The following STAU2 variants were observed in gnomAD, a reference collection of about 807,000 sequenced individuals.
STAU2 encodes staufen double-stranded RNA binding protein 2, also known as double-stranded RNA-binding protein Staufen homolog 2.
Under a neutral mutation model 65.9 loss-of-function variants are expected in STAU2, and 20 were observed. The ratio of observed to expected loss-of-function variants is 0.30; its 90% confidence interval spans 0.21 to 0.44. The LOEUF (loss-of-function observed/expected upper bound fraction) is 0.44. STAU2 is among the 20% of genes least tolerant of loss of function. The probability of loss-of-function intolerance (pLI) is 1.00; values close to 1 mark genes in which losing one functional copy is unlikely to be tolerated. For synonymous variants in STAU2, 232 were observed against 233.9 expected, an observed-to-expected ratio of 0.99 and a Z score of 0.07; for missense variants, 558 against 683.9, an observed-to-expected ratio of 0.82 and a Z score of 2.05.
At chr8:73,605,491 T>C (rs1401449174) in intron 9 of STAU2, among the ~76,000 whole-genome samples, 1 of 151,844 alleles carries the variant, frequency 6.6e-6, no homozygotes, top group Non-Finnish European at 1.5e-5. Context: ...GTATTTTTCA[T>C]AGAGACAGGG....
chr8:73,719,489 C>T (rs185824455), intron 3 of STAU2, among the ~76,000 whole-genome samples: 10 of 152,310 alleles, frequency 6.6e-5, no homozygotes, highest in African/African-American at 2.4e-4. Context: ...GGAAAGTTCA[C>T]TTCCACTTCT....
intron 13 of STAU2, among the ~76,000 whole-genome samples, chr8:73,484,486 G>A (rs1340881688): frequency 6.6e-6 from 1 of 152,092 alleles, no homozygotes; most frequent in Non-Finnish European, 1.5e-5. Flanking sequence ...TGGAAATCTT[G>A]CAGAGTAGAA....
At chr8:73,569,066 A>G (rs558040223) in intron 12 of STAU2, among the ~76,000 whole-genome samples, 9 of 152,070 alleles carry the variant, frequency 5.9e-5, no homozygotes, top group Non-Finnish European at 1.3e-4. Flanking sequence ...TAGACAAGGG[A>G]AGCTGTGACA....
chr8:73,590,068 GAAGA>G (rs1242538816), intron 11 of STAU2, among the ~76,000 whole-genome samples: 1 of 150,856 alleles, frequency 6.6e-6, no homozygotes, highest in Admixed American at 6.6e-5. Context: ...AGAGGAGATA[GAAGA>G]AAGAGGAGAA....
At chr8:73,629,691 G>A (rs1045767646) in intron 6 of STAU2, among the ~76,000 whole-genome samples, 5 of 152,120 alleles carry the variant, frequency 3.3e-5, no homozygotes, top group African/African-American at 4.8e-5. Context: ...ACTTTGGGGG[G>A]TTCATTACAA....
chr8:73,747,175 G>T (rs1337451386), upstream of STAU2: 2 of 524,082 alleles, frequency 3.8e-6, no homozygotes, highest in African/African-American at 2.0e-5. Context: ...GGCCATTCCC[G>T]GGGGGCTTGG....
intron 10 of STAU2, among the ~76,000 whole-genome samples, chr8:73,599,106 C>T (rs1811433850): frequency 6.6e-6 from 1 of 152,258 alleles, no homozygotes; most frequent in Admixed American, 6.5e-5. Context: ...AATCAAAATT[C>T]CATATATCTT....
intron 13 of STAU2, among the ~76,000 whole-genome samples, chr8:73,517,033 T>C (rs1460055720): frequency 1.3e-5 from 2 of 152,168 alleles, no homozygotes; most frequent in East Asian, 1.9e-4. Context: ...ACATCAAACA[T>C]AGAGGCATAC....
intron 12 of STAU2, among the ~76,000 whole-genome samples, chr8:73,553,758 TA>T (rs1807514299): frequency 6.6e-6 from 1 of 151,896 alleles, no homozygotes; most frequent in South Asian, 2.1e-4. Context: ...CAGTTTATGG[TA>T]TTTTTTAGCT....
At chr8:73,736,368 T>C (rs896266931) in intron 3 of STAU2, among the ~76,000 whole-genome samples, 1 of 152,204 alleles carries the variant, frequency 6.6e-6, no homozygotes, top group Non-Finnish European at 1.5e-5. Context: ...CCTGGAAATA[T>C]AAGAGTAAAC....
intron 13 of STAU2, among the ~76,000 whole-genome samples, chr8:73,485,193 C>T (rs1301008791): frequency 1.4e-5 from 2 of 139,238 alleles, no homozygotes; most frequent in Non-Finnish European, 3.1e-5. Context: ...CGCTCTATCA[C>T]CCAGGCTGGA....
chr8:73,630,899 A>G (rs958379522), intron 6 of STAU2, among the ~76,000 whole-genome samples: 7 of 152,206 alleles, frequency 4.6e-5, no homozygotes, highest in Non-Finnish European at 7.3e-5. Context: ...TATTCCCTGT[A>G]AAGAATACCC....
At chr8:73,446,881 T>C (rs938823342) in intron 13 of STAU2, among the ~76,000 whole-genome samples, 3 of 152,352 alleles carry the variant, frequency 2.0e-5, no homozygotes, top group African/African-American at 7.2e-5. Flanking sequence ...CAATCTCATG[T>C]CACAGAATAA....
intron 13 of STAU2, among the ~76,000 whole-genome samples, chr8:73,435,041 ACCTGGCAGATGTCAGCG>A (rs2128885469): frequency 7.8e-6 from 1 of 128,260 alleles, no homozygotes; most frequent in South Asian, 2.4e-4. Context: ...CCTCAGGAAC[ACCTGGCAGATGTCAGCG>A]TTATCCACAC....
intron 13 of STAU2, among the ~76,000 whole-genome samples, chr8:73,517,626 T>A (rs1822814054): frequency 6.6e-6 from 1 of 152,174 alleles, no homozygotes; most frequent in South Asian, 2.1e-4. Context: ...AGGTACAGAT[T>A]AAATAACCAC....
chr8:73,651,206 A>T, intron 6 of STAU2: 1 of 897,624 alleles, frequency 1.1e-6, no homozygotes, highest in Non-Finnish European at 1.7e-6. Flanking sequence ...AGCATCAAGG[A>T]GGCTAGGTCC....
chr8:73,510,359 C>T (rs767342139), intron 13 of STAU2, among the ~76,000 whole-genome samples: 1 of 151,984 alleles, frequency 6.6e-6, no homozygotes, highest in South Asian at 2.1e-4. Context: ...CGTGAGCCAC[C>T]GCGCCTGGCC....
chr8:73,664,187 G>A (rs1389756899), intron 6 of STAU2, among the ~76,000 whole-genome samples: 1 of 152,078 alleles, frequency 6.6e-6, no homozygotes, highest in African/African-American at 2.4e-5. Flanking sequence ...AAGTAGCTGG[G>A]ACTAGAGGCA....
chr8:73,546,359 C>T (rs769494080), intron 13 of STAU2, among the ~76,000 whole-genome samples: 4 of 152,012 alleles, frequency 2.6e-5, no homozygotes, highest in African/African-American at 4.8e-5. Context: ...AAAAACAAAC[C>T]AATATCCAGA....
Sources: allele counts gnomAD v4.1 joint callset (sites outside exome capture counted in the v4.1 genomes callset), GRCh38; gene constraint gnomAD v4.1.1; transcripts MANE v1.5; gene names NCBI Gene and HGNC (gene_info 2026-07-23, HGNC 2026-07-21).